The following GARIN5A variants were observed in gnomAD, a reference collection of about 807,000 sequenced individuals.
GARIN5A encodes Golgi-associated RAB2 interactor protein 5A.
the GARIN5A span, among the ~76,000 whole-genome samples, chr19:50,470,663 T>C: frequency 6.6e-6 from 1 of 150,440 alleles, no homozygotes. Flanking sequence ...TGCTGTTTTT[T>C]TTTTTTTTTG....
chr19:50,472,263 GTATA>G, the GARIN5A span, among the ~76,000 whole-genome samples: 22 of 109,022 alleles, frequency 2.0e-4, no homozygotes, highest in East Asian at 1.7e-3. Flanking sequence ...ATGTATGTGT[GTATA>G]TATGTATATA....
At chr19:50,467,899 G>A in the GARIN5A span, 2 of 1,462,602 alleles carry the variant, frequency 1.4e-6, no homozygotes, top group Non-Finnish European at 1.9e-6. Flanking sequence ...GGGGTCAGGG[G>A]TCCCCACCTT....
chr19:50,468,085 G>C, the GARIN5A span, among the ~76,000 whole-genome samples: 18 of 152,330 alleles, frequency 1.2e-4, no homozygotes, highest in Admixed American at 8.5e-4. Flanking sequence ...CTGGGGCCAG[G>C]CGTGGTGGCT....
the GARIN5A span, among the ~76,000 whole-genome samples, chr19:50,468,417 C>T: frequency 6.3e-4 from 95 of 151,032 alleles, 1 homozygote; most frequent in Admixed American, 2.0e-4. Context: ...ATCTACCATC[C>T]GACTCATAAC....
chr19:50,476,516 C>A, the GARIN5A span: 3 of 1,569,024 alleles, frequency 1.9e-6, no homozygotes, highest in Admixed American at 1.8e-5. Context: ...GGCTCACAGC[C>A]GTCCCTTCGC....
At chr19:50,476,049 G>A in the GARIN5A span, 1 of 1,606,678 alleles carries the variant, frequency 6.2e-7, no homozygotes, top group South Asian at 1.1e-5. Context: ...CGGGGTATCA[G>A]ATGCCCCCGA....
chr19:50,471,754 A>ACGTGTGTGTATACGCATACATGCCTG, the GARIN5A span, among the ~76,000 whole-genome samples: 1 of 79,730 alleles, frequency 1.3e-5, no homozygotes, highest in Non-Finnish European at 2.4e-5. Flanking sequence ...GCATACATGC[A>ACGTGTGTGTATACGCATACATGCCTG]TGTGTATACG....
the GARIN5A span, among the ~76,000 whole-genome samples, chr19:50,468,853 G>A: frequency 1.3e-4 from 20 of 152,070 alleles, no homozygotes; most frequent in African/African-American, 3.9e-4. Flanking sequence ...TGATCCTCTC[G>A]TCTCTCAAAG....
the GARIN5A span, chr19:50,467,785 CT>C: frequency 1.2e-6 from 2 of 1,612,860 alleles, no homozygotes; most frequent in Non-Finnish European, 1.7e-6. Context: ...CTGACACCGG[CT>C]TTTGTCGTGG....
At chr19:50,476,309 C>T in the GARIN5A span, 1 of 1,595,124 alleles carries the variant, frequency 6.3e-7, no homozygotes, top group Non-Finnish European at 8.5e-7. Context: ...TATGACGTCA[C>T]ACAAGAGCGG....
chr19:50,472,243 T>TTAATG, the GARIN5A span, among the ~76,000 whole-genome samples: 15 of 133,876 alleles, frequency 1.1e-4, no homozygotes, highest in Non-Finnish European at 1.9e-4. Context: ...TATGTGTGTA[T>TTAATG]TATATATACA....
chr19:50,472,142 G>GTATACGTGTGTATATGTATA, the GARIN5A span, among the ~76,000 whole-genome samples: 2 of 109,328 alleles, frequency 1.8e-5, no homozygotes, highest in African/African-American at 7.5e-5. Flanking sequence ...GTATATGTAT[G>GTATACGTGTGTATATGTATA]TATACGTGTG....
At chr19:50,475,410 C>G in the GARIN5A span, 2 of 1,610,184 alleles carry the variant, frequency 1.2e-6, no homozygotes, top group Non-Finnish European at 1.7e-6. Flanking sequence ...CTGGAGGCTG[C>G]CACCCCCATG....
chr19:50,467,693 G>A, the GARIN5A span: 4 of 1,592,748 alleles, frequency 2.5e-6, no homozygotes, highest in Non-Finnish European at 3.4e-6. Flanking sequence ...CGCACCCACT[G>A]GCCGAACTCT....
At chr19:50,470,523 AAAG>A in the GARIN5A span, among the ~76,000 whole-genome samples, 4 of 152,030 alleles carry the variant, frequency 2.6e-5, no homozygotes, top group Non-Finnish European at 4.4e-5. Flanking sequence ...CAAAAAAAAA[AAAG>A]AGTCCAATTG....
chr19:50,475,680 G>A, the GARIN5A span, among the ~76,000 whole-genome samples: 1 of 152,136 alleles, frequency 6.6e-6, no homozygotes, highest in African/African-American at 2.4e-5. Flanking sequence ...AGAATCTAGA[G>A]AACTAGAAGT....
At chr19:50,471,894 A>T in the GARIN5A span, among the ~76,000 whole-genome samples, 1 of 144,922 alleles carries the variant, frequency 6.9e-6, no homozygotes, top group East Asian at 2.4e-4. Flanking sequence ...GTGTATATGT[A>T]TGCATACATG....
At chr19:50,475,289 G>C in the GARIN5A span, 2 of 1,545,036 alleles carry the variant, frequency 1.3e-6, no homozygotes, top group Non-Finnish European at 1.8e-6. Flanking sequence ...TGGAGCTGAG[G>C]GAGGAAGGGG....
the GARIN5A span, among the ~76,000 whole-genome samples, chr19:50,470,484 G>C: frequency 8.6e-5 from 13 of 151,128 alleles, no homozygotes; most frequent in Admixed American, 4.6e-4. Context: ...CTACACTCCA[G>C]CCTGGGCAAC....
Sources: gnomAD v4.1 joint callset for allele counts (sites outside exome capture counted in the v4.1 genomes callset) on GRCh38, gnomAD v4.1.1 for gene constraint, MANE v1.5 for transcripts, NCBI Gene and HGNC (gene_info 2026-07-23, HGNC 2026-07-21) for gene names.